Variants in BTBD9 observed in about 807,000 individuals in gnomAD.
BTBD9 encodes the protein BTB domain containing 9.
Under a neutral mutation model 64.3 loss-of-function variants are expected in BTBD9, and 49 were observed. The observed-to-expected ratio is 0.76, with a 90% confidence interval of 0.61 to 0.97. The LOEUF is 0.97. Among genes scored for constraint, BTBD9 ranks in the 50% least tolerant of loss-of-function variants. The probability of loss-of-function intolerance (pLI) is 0.00; values close to 1 mark genes in which losing one functional copy is unlikely to be tolerated. For synonymous variants in BTBD9, 260 were observed against 274.7 expected (o/e 0.95, Z 0.53); for missense variants, 598 against 762.1 (o/e 0.78, Z 2.53).
intron 9 of BTBD9, among the ~76,000 whole-genome samples, chr6:38,252,722 G>A (rs1764445301): frequency 6.6e-6 from 1 of 152,166 alleles, no homozygotes; most frequent in African/African-American, 2.4e-5. Context: ...GAGTGAACAA[G>A]ACTTTGAAAT....
intron 9 of BTBD9, among the ~76,000 whole-genome samples, chr6:38,203,705 T>A (rs1217200635): frequency 6.6e-6 from 1 of 150,952 alleles, no homozygotes; most frequent in Non-Finnish European, 1.5e-5. Flanking sequence ...AACTTGATCA[T>A]ATGAAGATAG....
intron 6 of BTBD9, among the ~76,000 whole-genome samples, chr6:38,382,795 G>A (rs7754288): frequency 0.017 from 2,554 of 152,074 alleles, 72 homozygotes; most frequent in African/African-American, 0.056. Flanking sequence ...CAATAAATTC[G>A]AAACCTTAGT....
intron 6 of BTBD9, among the ~76,000 whole-genome samples, chr6:38,360,457 T>G (rs1433128030): frequency 6.6e-6 from 1 of 152,152 alleles, no homozygotes; most frequent in Non-Finnish European, 1.5e-5. Context: ...AAAGGTCCCC[T>G]CTTTTAATGC....
intron 6 of BTBD9, among the ~76,000 whole-genome samples, chr6:38,426,852 C>T (rs947556914): frequency 1.3e-5 from 2 of 151,894 alleles, no homozygotes; most frequent in East Asian, 1.9e-4. Flanking sequence ...GCCACCATCT[C>T]GGAAGCAGCT....
At chr6:38,461,310 G>A (rs1770074942) in intron 6 of BTBD9, among the ~76,000 whole-genome samples, 1 of 152,068 alleles carries the variant, frequency 6.6e-6, no homozygotes, top group East Asian at 1.9e-4. Context: ...TTTTGTAATG[G>A]TTCACTCTCA....
chr6:38,405,411 T>C (rs945174227), intron 6 of BTBD9, among the ~76,000 whole-genome samples: 1 of 152,184 alleles, frequency 6.6e-6, no homozygotes, highest in African/African-American at 2.4e-5. Flanking sequence ...AAAGAATAGC[T>C]TCTAGAAAAG....
chr6:38,593,425 T>C (rs554926334), intron 3 of BTBD9, among the ~76,000 whole-genome samples: 1 of 152,274 alleles, frequency 6.6e-6, no homozygotes, highest in South Asian at 2.1e-4. Context: ...ATATCCAGGT[T>C]CTAGAAGGAA....
intron 6 of BTBD9, among the ~76,000 whole-genome samples, chr6:38,367,065 A>C (rs1765211058): frequency 1.3e-5 from 2 of 152,210 alleles, no homozygotes; most frequent in African/African-American, 4.8e-5. Flanking sequence ...ACCCTCGCCC[A>C]AAAATGTGAA....
At chr6:38,480,135 G>A (rs1240998332) in intron 6 of BTBD9, among the ~76,000 whole-genome samples, 1 of 152,230 alleles carries the variant, frequency 6.6e-6, no homozygotes, top group African/African-American at 2.4e-5. Context: ...GTACTACTGG[G>A]AATTGAGGGG....
At chr6:38,390,056 G>C (rs1455692438) in intron 6 of BTBD9, among the ~76,000 whole-genome samples, 2 of 152,112 alleles carry the variant, frequency 1.3e-5, no homozygotes, top group Non-Finnish European at 2.9e-5. Flanking sequence ...TCTTCCTGAT[G>C]GTACAATGAA....
chr6:38,425,958 A>ACACAC (rs1554150450), intron 6 of BTBD9, among the ~76,000 whole-genome samples: 12,987 of 150,138 alleles, frequency 0.087, 771 homozygotes, highest in Non-Finnish European at 0.12. Context: ...ACACACACAC[A>ACACAC]AACAAAAGCA....
Position 38,176,408 on chromosome 6 carries a change from T to C in BTBD9, c.1642-1226A>G, listed in dbSNP as rs190053040. Among the ~76,000 whole-genome samples the C allele has an allele frequency of 3.1e-4, 47 of 152,352 alleles. No individual in the cohort carries two copies. The East Asian group carries it at 6.0e-3, about 19-fold the overall frequency. Reference sequence around the variant, plus strand: ...TCATATGAAGACTGAGACCGTGTCTTCCTGGTGTGTCCACTCTGTTTTGGG... The same window carrying C: ...TCATATGAAGACTGAGACCGTGTCTCCCTGGTGTGTCCACTCTGTTTTGGG... On this transcript the variant is annotated intron_variant, in intron 10 of 10. Coordinates refer to ENST00000481247, the MANE Select transcript of BTBD9 (RefSeq NM_001099272.2).
chr6:38,588,184 A>G (rs1198658334), intron 4 of BTBD9: 5 of 797,176 alleles, frequency 6.3e-6, no homozygotes, highest in Non-Finnish European at 1.1e-5. Flanking sequence ...CTGGACTCCA[A>G]ACAACCTCAG....
chr6:38,380,633 C>A (rs1055655299), intron 6 of BTBD9, among the ~76,000 whole-genome samples: 1 of 152,130 alleles, frequency 6.6e-6, no homozygotes, highest in Non-Finnish European at 1.5e-5. Context: ...AGTTTGAGAT[C>A]AATCTGGGAA....
At chr6:38,282,652 C>T (rs749986380) in intron 8 of BTBD9, among the ~76,000 whole-genome samples, 41 of 152,162 alleles carry the variant, frequency 2.7e-4, no homozygotes, top group Non-Finnish European at 4.7e-4. Context: ...CTATCCCCTC[C>T]CTCCTGCTCC....
chr6:38,630,113 CAGG>C (rs1409309266), intron 1 of BTBD9, among the ~76,000 whole-genome samples: 2 of 149,434 alleles, frequency 1.3e-5, no homozygotes, highest in Non-Finnish European at 3.0e-5. Flanking sequence ...GAGGCTGAGG[CAGG>C]AGAATTGCTC....
intron 6 of BTBD9, among the ~76,000 whole-genome samples, chr6:38,478,001 T>C (rs1179027096): frequency 1.3e-5 from 2 of 152,204 alleles, no homozygotes; most frequent in African/African-American, 4.8e-5. Flanking sequence ...TTCAATTTCT[T>C]CATCTGTAAG....
intron 7 of BTBD9, among the ~76,000 whole-genome samples, chr6:38,332,938 A>T (rs1763736791): frequency 6.6e-6 from 1 of 152,180 alleles, no homozygotes; most frequent in South Asian, 2.1e-4. Flanking sequence ...ACTCCAGCAG[A>T]TCTCCTTGTC....
At chr6:38,465,560 G>A (rs1252172555) in intron 6 of BTBD9, among the ~76,000 whole-genome samples, 1 of 149,312 alleles carries the variant, frequency 6.7e-6, no homozygotes, top group African/African-American at 2.4e-5. Flanking sequence ...GAAACCAGGA[G>A]GTGGAGCTTG....
Sources: allele counts gnomAD v4.1 joint callset (sites outside exome capture counted in the v4.1 genomes callset), GRCh38; gene constraint gnomAD v4.1.1; transcripts MANE v1.5; gene names NCBI Gene and HGNC (gene_info 2026-07-23, HGNC 2026-07-21).